COBL: variants seen among roughly 807,000 people sequenced by gnomAD.
The protein encoded by COBL is protein cordon-bleu.
A neutral mutation model predicts 98.8 loss-of-function variants in COBL; 51 were observed. The observed-to-expected ratio is 0.52, with a 90% CI of 0.41 to 0.65. The LOEUF (loss-of-function observed/expected upper bound fraction) is 0.65. COBL is among the 30% of genes least tolerant of loss of function. The pLI, the probability that COBL is intolerant of heterozygous loss-of-function variation, is 0.00. For synonymous variants in COBL, 634 were observed against 651.7 expected, an observed-to-expected ratio of 0.97 and a Z score of 0.41; for missense variants, 1,617 against 1,617.5, an observed-to-expected ratio of 1.00 and a Z score of 0.01.
intron 1 of COBL, among the ~76,000 whole-genome samples, chr7:51,285,358 C>T (rs1800254175): frequency 6.7e-6 from 1 of 149,196 alleles, no homozygotes; most frequent in African/African-American, 2.5e-5. Flanking sequence ...ACATACATAG[C>T]AAATCCCAAG....
At chr7:51,052,672 C>A (rs1790357243) in intron 7 of COBL, among the ~76,000 whole-genome samples, 1 of 152,132 alleles carries the variant, frequency 6.6e-6, no homozygotes, top group South Asian at 2.1e-4. Context: ...GGTTCAGGGA[C>A]CTGCCAAGGT....
chr7:51,228,393 CT>C (rs1297405330), intron 1 of COBL, among the ~76,000 whole-genome samples: 1 of 126,264 alleles, frequency 7.9e-6, no homozygotes, highest in Non-Finnish European at 1.9e-5. Context: ...CACGCTTACT[CT>C]TTTGGATTAA....
intron 7 of COBL, among the ~76,000 whole-genome samples, chr7:51,081,466 G>C (rs1247029841): frequency 2.0e-5 from 3 of 152,228 alleles, no homozygotes; most frequent in African/African-American, 7.2e-5. Flanking sequence ...TCTAAGGGCA[G>C]CAGGTGGGGA....
chr7:51,081,890 C>T (rs540587857), intron 7 of COBL, among the ~76,000 whole-genome samples: 42 of 152,120 alleles, frequency 2.8e-4, no homozygotes, highest in East Asian at 1.4e-3. Context: ...GCCATCCACG[C>T]CACGGCTGCA....
intron 1 of COBL, among the ~76,000 whole-genome samples, chr7:51,277,208 C>T (rs1192967909): frequency 6.6e-6 from 1 of 152,132 alleles, no homozygotes; most frequent in South Asian, 2.1e-4. Flanking sequence ...AGCCAATGAC[C>T]GACTAAGTTA....
chr7:51,233,391 G>A (rs1794946072), intron 1 of COBL, among the ~76,000 whole-genome samples: 1 of 150,534 alleles, frequency 6.6e-6, no homozygotes, highest in African/African-American at 2.4e-5. Flanking sequence ...CCTTCACCAA[G>A]GCACCCAAAA....
chr7:51,311,128 A>T (rs575765357), intron 1 of COBL, among the ~76,000 whole-genome samples: 23 of 152,340 alleles, frequency 1.5e-4, no homozygotes, highest in African/African-American at 5.3e-4. Context: ...TGTATCCAAG[A>T]AAAATATACT....
At chr7:51,221,011 G>A (rs1037264610) in intron 1 of COBL, among the ~76,000 whole-genome samples, 4 of 152,064 alleles carry the variant, frequency 2.6e-5, no homozygotes, top group Non-Finnish European at 2.9e-5. Flanking sequence ...GTAGCAGGTC[G>A]AGTACTTACT....
At chr7:51,151,380 C>T (rs1785540711) in intron 5 of COBL, among the ~76,000 whole-genome samples, 1 of 152,190 alleles carries the variant, frequency 6.6e-6, no homozygotes, top group Admixed American at 6.5e-5. Flanking sequence ...GACATCTCTC[C>T]TCTAGGCTTT....
intron 5 of COBL, among the ~76,000 whole-genome samples, chr7:51,146,450 C>G (rs950319692): frequency 2.6e-5 from 4 of 152,124 alleles, no homozygotes; most frequent in African/African-American, 9.7e-5. Context: ...AAGCGATCGG[C>G]AGTTTCCTTG....
chr7:51,083,141 G>A, intron 7 of COBL: 2 of 1,520,632 alleles, frequency 1.3e-6, no homozygotes, highest in South Asian at 1.2e-5. Flanking sequence ...GTCGGGAGGA[G>A]GGTAGGGCGG....
intron 7 of COBL, chr7:51,071,704 A>G (rs1314260684): frequency 3.9e-5 from 6 of 152,200 alleles, no homozygotes; most frequent in African/African-American, 1.4e-4. Flanking sequence ...TTGTGTGCCC[A>G]TCTTTCTTCA....
At chr7:51,267,539 G>A (rs1003588136) in intron 1 of COBL, among the ~76,000 whole-genome samples, 3 of 151,922 alleles carry the variant, frequency 2.0e-5, no homozygotes, top group African/African-American at 7.3e-5. Flanking sequence ...CTAGTATATT[G>A]AGAACATTAC....
intron 5 of COBL, among the ~76,000 whole-genome samples, chr7:51,171,152 T>A (rs959038705): frequency 4.6e-5 from 7 of 152,082 alleles, no homozygotes; most frequent in Non-Finnish European, 7.4e-5. Flanking sequence ...AGTATAATTG[T>A]CATTTTATAA....
At chr7:51,246,340 C>T (rs1418195183) in intron 1 of COBL, among the ~76,000 whole-genome samples, 1 of 152,206 alleles carries the variant, frequency 6.6e-6, no homozygotes, top group Non-Finnish European at 1.5e-5. Flanking sequence ...CCTGACAGCT[C>T]AGAAGCCCAT....
intron 1 of COBL, among the ~76,000 whole-genome samples, chr7:51,225,257 A>G (rs1794072025): frequency 6.6e-6 from 1 of 152,194 alleles, no homozygotes; most frequent in Non-Finnish European, 1.5e-5. Flanking sequence ...AAAAGTCATT[A>G]GCTTACCAAG....
intron 2 of COBL, among the ~76,000 whole-genome samples, chr7:51,215,417 C>G (rs1792936277): frequency 6.6e-6 from 1 of 152,034 alleles, no homozygotes; most frequent in Non-Finnish European, 1.5e-5. Context: ...ACAAATAAAG[C>G]CTTAATGAGG....
intron 12 of COBL, among the ~76,000 whole-genome samples, chr7:51,024,659 GAATGAATGAA>G: frequency 2.4e-4 from 1 of 4,172 alleles, no homozygotes; most frequent in East Asian, 2.3e-3. Context: ...ACGAGTGAAT[GAATGAATGAA>G]TGAATGAATG....
chr7:51,202,167 G>C (rs1200035908), intron 2 of COBL, among the ~76,000 whole-genome samples: 1 of 152,066 alleles, frequency 6.6e-6, no homozygotes, highest in Non-Finnish European at 1.5e-5. Context: ...AAGCCATAAA[G>C]TGCATCCATT....
Sources: gnomAD v4.1 joint callset for allele counts (sites outside exome capture counted in the v4.1 genomes callset) on GRCh38, gnomAD v4.1.1 for gene constraint, MANE v1.5 for transcripts, NCBI Gene and HGNC (gene_info 2026-07-23, HGNC 2026-07-21) for gene names.